Variants in CTNNA3 observed in about 807,000 individuals in gnomAD.
CTNNA3 encodes the protein catenin alpha-3.
Under a neutral mutation model 95.7 loss-of-function variants are expected in CTNNA3, and 76 were observed. The observed-to-expected ratio is 0.79, with a 90% confidence interval of 0.66 to 0.96. The LOEUF (loss-of-function observed/expected upper bound fraction) is 0.96. Among genes scored for constraint, CTNNA3 ranks in the 40% least tolerant of loss-of-function variants. The pLI is 0.00. For missense variants in CTNNA3, 1,191 were observed against 1,089.8 expected, an observed-to-expected ratio of 1.09 and a Z score of -1.31; for synonymous variants, 431 against 374.4, an observed-to-expected ratio of 1.15 and a Z score of -1.74.
intron 10 of CTNNA3, among the ~76,000 whole-genome samples, chr10:66,581,928 T>C (rs912126401): frequency 1.3e-5 from 2 of 151,866 alleles, no homozygotes; most frequent in Non-Finnish European, 2.9e-5. Flanking sequence ...CCGATTTATG[T>C]TTTTGTATGT....
At chr10:66,249,305 A>C (rs1218873451) in intron 13 of CTNNA3, among the ~76,000 whole-genome samples, 4 of 152,144 alleles carry the variant, frequency 2.6e-5, no homozygotes, top group Non-Finnish European at 5.9e-5. Flanking sequence ...TCTTCTGCAC[A>C]GCAAAGAAAC....
In CTNNA3 at chr10:66,317,166, G is replaced by C. The variant is rs572275192; in HGVS notation, c.1733-36545C>G. 3.3e-5 allele frequency among the ~76,000 whole-genome samples: 5 copies of C among 152,142 alleles called. No individual in the cohort carries two copies. The South Asian group carries it at 1.0e-3, about 32-fold the overall frequency. Reference sequence around the variant, plus strand: ...AGATAAAATACAAATTTTAAGTTTGGAAACTTAATGCAAGTTTAATACATT... The same window carrying C: ...AGATAAAATACAAATTTTAAGTTTGCAAACTTAATGCAAGTTTAATACATT... On this transcript the variant is annotated intron_variant, in intron 12 of 17. Coordinates refer to ENST00000433211, the MANE Select transcript of CTNNA3 (RefSeq NM_013266.4).
At chr10:66,100,991 T>G (rs982705749) in intron 14 of CTNNA3, among the ~76,000 whole-genome samples, 9 of 152,132 alleles carry the variant, frequency 5.9e-5, no homozygotes, top group African/African-American at 2.2e-4. Flanking sequence ...ATTCCAGCAT[T>G]CTAAAAAGAG....
intron 3 of CTNNA3, among the ~76,000 whole-genome samples, chr10:67,602,207 T>C (rs1843104632): frequency 7.0e-6 from 1 of 143,186 alleles, no homozygotes; most frequent in South Asian, 2.2e-4. Context: ...AAAAAAAAAC[T>C]CAAAGCAGGA....
chr10:66,130,003 G>A (rs780136823), intron 13 of CTNNA3, among the ~76,000 whole-genome samples: 2 of 152,008 alleles, frequency 1.3e-5, no homozygotes, highest in Non-Finnish European at 2.9e-5. Flanking sequence ...TAGGAGCATT[G>A]GCAGGCATGA....
chr10:66,048,440 C>T (rs569042495), intron 15 of CTNNA3, among the ~76,000 whole-genome samples: 15 of 152,174 alleles, frequency 9.9e-5, no homozygotes, highest in East Asian at 9.7e-4. Flanking sequence ...AGATTGAAGC[C>T]GGACCTCTTC....
chr10:67,142,793 G>T (rs527887143), intron 7 of CTNNA3, among the ~76,000 whole-genome samples: 1 of 152,104 alleles, frequency 6.6e-6, no homozygotes, highest in South Asian at 2.1e-4. Flanking sequence ...TTAGCCAGGC[G>T]TGGTGGCATG....
chr10:67,655,880 T>C (rs145466534), intron 1 of CTNNA3, among the ~76,000 whole-genome samples: 8 of 150,588 alleles, frequency 5.3e-5, no homozygotes, highest in Non-Finnish European at 8.8e-5. Context: ...TAGTATAATA[T>C]AGTCAGGAAT....
chr10:67,629,592 T>G (rs1175045688), intron 2 of CTNNA3, among the ~76,000 whole-genome samples: 1 of 152,202 alleles, frequency 6.6e-6, no homozygotes, highest in African/African-American at 2.4e-5. Flanking sequence ...AACTCTGGAT[T>G]GCTGCTGCTA....
chr10:66,964,573 G>A (rs1422485603), intron 7 of CTNNA3, among the ~76,000 whole-genome samples: 1 of 152,114 alleles, frequency 6.6e-6, no homozygotes, highest in African/African-American at 2.4e-5. Context: ...GGGCTCTTGG[G>A]CACTTTCATC....
At position 66,547,343 on chromosome 10, in the gene CTNNA3, C is replaced by CTTTTTTTTTTTTTTTT. The variant is rs1246714246; in HGVS notation, c.1375-26571_1375-26570insAAAAAAAAAAAAAAAA. ...ATTCTTGTTCCTTTGATTTTTCTTT[C>CTTTTTTTTTTTTTTTT]TTTCTTTTTTTTTTTTTTGAGATAG... On this transcript the variant is annotated intron_variant, in intron 10 of 17. Transcript: ENST00000433211. Among the ~76,000 whole-genome samples, 667 of 83,158 alleles carry CTTTTTTTTTTTTTTTT rather than the reference C, an allele frequency of 8.0e-3. 244 individuals carry two copies. The highest frequency in any genetic ancestry group is 0.045 in the Middle Eastern group (4 of 88). 54.6% of individuals were successfully genotyped at this position (83,158 alleles called of 152,430 possible). A position where few individuals can be genotyped will look rare whatever the true frequency, so the allele number is the denominator to read the frequency against.
At chr10:66,084,135 CA>C (rs200266418) in intron 14 of CTNNA3, among the ~76,000 whole-genome samples, 4,465 of 79,986 alleles carry the variant, frequency 0.056, 123 homozygotes, top group East Asian at 0.11. Context: ...AACTTCATCT[CA>C]AAAAAAAAAA....
chr10:66,376,946 G>A (rs1249811373), intron 12 of CTNNA3, among the ~76,000 whole-genome samples: 2 of 152,120 alleles, frequency 1.3e-5, no homozygotes, highest in Non-Finnish European at 2.9e-5. Flanking sequence ...GTAGTGGGAA[G>A]TATCTTTCAT....
At chr10:66,320,976 G>A (rs56382717) in intron 12 of CTNNA3, among the ~76,000 whole-genome samples, 14,742 of 152,004 alleles carry the variant, frequency 0.097, 924 homozygotes, top group East Asian at 0.21. Context: ...CATCAAACAT[G>A]CAATTAAATA....
chr10:67,596,263 T>C (rs1842929387), intron 3 of CTNNA3, among the ~76,000 whole-genome samples: 1 of 152,184 alleles, frequency 6.6e-6, no homozygotes, highest in Non-Finnish European at 1.5e-5. Flanking sequence ...TGGCTGGTAA[T>C]AGTCTTTTGT....
Position 66,540,082 on chromosome 10 carries a change from T to G in CTNNA3, c.1375-19309A>C, listed in dbSNP as rs750790849. On this transcript the variant is annotated intron_variant, in intron 10 of 17. Coordinates refer to ENST00000433211, the MANE Select transcript of CTNNA3 (RefSeq NM_013266.4). Reference sequence around the variant, plus strand: ...ACATTATCATCATAAATAACAATAATAAGAAGAGGTATTACATCCTTACTG... The same window carrying G: ...ACATTATCATCATAAATAACAATAAGAAGAAGAGGTATTACATCCTTACTG... Among the ~76,000 whole-genome samples the G allele has an allele frequency of 8.5e-5, 13 of 152,138 alleles. 1 individual carries two copies. The highest frequency in any genetic ancestry group is 2.6e-4 in the Admixed American group (4 of 15,254).
chr10:66,618,408 A>C (rs181870932), intron 10 of CTNNA3, among the ~76,000 whole-genome samples: 1 of 152,064 alleles, frequency 6.6e-6, no homozygotes, highest in Non-Finnish European at 1.5e-5. Context: ...ATAACGCTGC[A>C]TATCTATAAC....
intron 12 of CTNNA3, among the ~76,000 whole-genome samples, chr10:66,349,012 T>G (rs1052184646): frequency 6.6e-6 from 1 of 152,102 alleles, no homozygotes. Context: ...GTTTGTGACT[T>G]GTTTGTAACA....
chr10:67,081,343 A>T (rs899306868), intron 7 of CTNNA3, among the ~76,000 whole-genome samples: 1 of 152,234 alleles, frequency 6.6e-6, no homozygotes, highest in East Asian at 1.9e-4. Flanking sequence ...GAGTTTTTCA[A>T]TCAATCAGTA....
Sources: gnomAD v4.1 joint callset for allele counts (sites outside exome capture counted in the v4.1 genomes callset) on GRCh38, gnomAD v4.1.1 for gene constraint, MANE v1.5 for transcripts, NCBI Gene and HGNC (gene_info 2026-07-23, HGNC 2026-07-21) for gene names.